Variants in TBC1D8 observed in about 807,000 individuals in gnomAD.
TBC1D8 encodes the protein TBC1 domain family member 8.
TBC1D8 carries 65 observed loss-of-function variants against 118.8 expected under a neutral mutation model. That is an observed-to-expected ratio of 0.55 (90% CI 0.45 to 0.67). The LOEUF (loss-of-function observed/expected upper bound fraction) is 0.67, where lower values mean the gene tolerates loss of function less well. Among genes scored for constraint, TBC1D8 ranks in the 30% least tolerant of loss-of-function variants. The pLI is 0.00. For synonymous variants in TBC1D8, 566 were observed against 595.8 expected, an observed-to-expected ratio of 0.95 and a Z score of 0.73; for missense variants, 1,376 against 1,471.2, an observed-to-expected ratio of 0.94 and a Z score of 1.06.
chr2:101,054,101 C>T lies in TBC1D8; in HGVS notation c.631+7G>A. 1 of 1,604,248 alleles carries T rather than the reference C, an allele frequency of 6.2e-7. No individual in the cohort carries two copies. Among genetic ancestry groups the T allele is most frequent in the Non-Finnish European group, 8.5e-7 (1 of 1,174,280 alleles). On this transcript the variant is annotated splice_region_variant and intron_variant, in intron 4 of 19. Transcript: ENST00000409318. ...TATCTTGGAAGAGCCTGCCAGGCCT[C>T]ACTTACGTTCCTTGCCCAGGAAGAA... is the stretch of plus-strand genomic sequence containing the variant.
rs559742519 is a variant in TBC1D8 at position 101,023,033 on chromosome 2, T to G, written c.2521-512A>C. ...AGCGGTGTGCACCTGTGATCCCAGC[T>G]ACTCAGGAGGCTGAGACAGGAGAAT... On this transcript the variant is annotated intron_variant, in intron 15 of 19. Transcript: ENST00000409318. Among the ~76,000 whole-genome samples the G allele has an allele frequency of 1.7e-4, 26 of 151,928 alleles. No individual in the cohort carries two copies. In the East Asian group the frequency reaches 4.9e-3, roughly 29 times the overall value.
At chr2:101,010,820 T>C (rs1299899901) in intron 19 of TBC1D8, 109 bp downstream of exon 19, 7 of 820,024 alleles carry the variant, frequency 8.5e-6, no homozygotes, top group Non-Finnish European at 1.3e-5. Flanking sequence ...AGGTGGAGGT[T>C]GCAGTGGGCT....
Position 101,074,668 on chromosome 2 carries a change from G to A in TBC1D8, c.284-15129C>T, listed in dbSNP as rs79091308. ...TTGACATTATTTAGAAATGGTGTGC[G>A]TGTACGTATATTAGATAAACAGACA... is the stretch of plus-strand genomic sequence containing the variant. On this transcript the variant is annotated intron_variant, in intron 2 of 19. Transcript: ENST00000409318. Among the ~76,000 whole-genome samples the A allele has an allele frequency of 7.2e-3, 1,104 of 152,286 alleles. 15 individuals carry two copies. Among genetic ancestry groups the A allele is most frequent in the East Asian group, 0.035 (184 of 5,184 alleles).
intron 19 of TBC1D8, among the ~76,000 whole-genome samples, chr2:101,009,667 G>C: frequency 6.6e-6 from 1 of 151,942 alleles, no homozygotes; most frequent in East Asian, 1.9e-4. Context: ...CACAGTAGAC[G>C]AGCAGCATTT....
intron 1 of TBC1D8, among the ~76,000 whole-genome samples, chr2:101,133,561 G>T (rs1184642506): frequency 1.3e-5 from 2 of 152,148 alleles, no homozygotes; most frequent in African/African-American, 2.4e-5. Context: ...GTCTGGTGAG[G>T]GGGGTTCACA....
At position 101,038,500 on chromosome 2, in the gene TBC1D8, G is replaced by T; in HGVS notation, c.1236C>A (p.Asn412Lys). 1 of 1,613,864 alleles carries T rather than the reference G, an allele frequency of 6.2e-7. No homozygotes were observed. Among genetic ancestry groups the T allele is most frequent in the East Asian group, 2.2e-5 (1 of 44,882 alleles). Residue 412 changes from asparagine to lysine, a missense_variant, in exon 7 of 20, where the codon AAC (asparagine) becomes AAA (lysine). Coordinates refer to ENST00000409318, the MANE Select transcript of TBC1D8 (RefSeq NM_001330348.2). ...CAGAGGTGTCGTAGTGCACGGGGTG[G>T]TTGGCGTGGACCTGCTTCAACCTCG... ...LLARLKQVHA[N>K]HPVHYDTSAD...
chr2:101,117,422 A>G (rs187149532), intron 1 of TBC1D8, among the ~76,000 whole-genome samples: 6 of 152,234 alleles, frequency 3.9e-5, no homozygotes, highest in South Asian at 2.1e-4. Flanking sequence ...GGATTTCGTA[A>G]CCAATTTCTA....
chr2:101,013,182 T>C (rs1679361137), intron 17 of TBC1D8, among the ~76,000 whole-genome samples: 1 of 152,120 alleles, frequency 6.6e-6, no homozygotes, highest in South Asian at 2.1e-4. Flanking sequence ...CAAACAACTC[T>C]CAGAGCAGAG....
intron 2 of TBC1D8, among the ~76,000 whole-genome samples, chr2:101,085,608 C>G (rs1435819231): frequency 6.6e-6 from 1 of 152,130 alleles, no homozygotes; most frequent in Non-Finnish European, 1.5e-5. Flanking sequence ...GCACTGCAAA[C>G]AAGCAAACAC....
At chr2:101,080,786 AT>A (rs111330338) in intron 2 of TBC1D8, among the ~76,000 whole-genome samples, 114 of 146,738 alleles carry the variant, frequency 7.8e-4, no homozygotes, top group Non-Finnish European at 7.4e-4. Flanking sequence ...TGTACTCTCA[AT>A]TTTTTTTTTT....
chr2:101,049,837 T>A (rs1681943984), intron 5 of TBC1D8, among the ~76,000 whole-genome samples: 1 of 152,106 alleles, frequency 6.6e-6, no homozygotes, highest in Non-Finnish European at 1.5e-5. Flanking sequence ...ACATGTCTTT[T>A]TTTTTTTGAG....
At chr2:101,053,528 T>G (rs1172055289) in intron 4 of TBC1D8, among the ~76,000 whole-genome samples, 1 of 152,240 alleles carries the variant, frequency 6.6e-6, no homozygotes, top group African/African-American at 2.4e-5. Context: ...CTGGAAGAAG[T>G]GTCCGTGGGA....
At position 101,105,178 on chromosome 2, in the gene TBC1D8, G is replaced by C. The variant is rs148237231; in HGVS notation, c.128-14814C>G. Among the ~76,000 whole-genome samples the C allele has an allele frequency of 5.1e-4, 77 of 152,224 alleles. No individual in the cohort carries two copies. The East Asian group carries it at 0.014, about 27-fold the overall frequency. On this transcript the variant is annotated intron_variant, in intron 1 of 19. Coordinates refer to ENST00000409318, the MANE Select transcript of TBC1D8 (RefSeq NM_001330348.2). ...TATTTTAAAATTTTTGCTCTGCAAA[G>C]GACACCTGAGTACCAAAAGACAAGC...
chr2:101,043,333 C>T (rs763006020), intron 5 of TBC1D8, among the ~76,000 whole-genome samples: 12 of 152,226 alleles, frequency 7.9e-5, no homozygotes, highest in Non-Finnish European at 1.5e-4. Context: ...CCCAAGCTGA[C>T]TATGTCTGGT....
chr2:101,033,526 A>G lies in TBC1D8; in HGVS notation c.1818+18T>C. 1 of 1,613,744 alleles carries G rather than the reference A, an allele frequency of 6.2e-7. No individual in the cohort carries two copies. The highest frequency in any genetic ancestry group is 1.3e-5 in the African/African-American group (1 of 75,020). ...ACCAACTAAAGACTCTCTGCGCCCC[A>G]GAGCACACCCCTTTCACCTGGCAGT... On this transcript the variant is annotated intron_variant, in intron 10 of 19. Transcript: ENST00000409318.
chr2:101,010,603 G>A (rs1679129444), intron 19 of TBC1D8, among the ~76,000 whole-genome samples: 1 of 152,060 alleles, frequency 6.6e-6, no homozygotes, highest in African/African-American at 2.4e-5. Context: ...GTTAATTCTC[G>A]GTCGGGCGCG....
In TBC1D8 at chr2:101,022,529, CAAG is replaced by C. The variant is rs753720091; in HGVS notation, c.2521-11_2521-9del. The C allele has an allele frequency of 6.3e-7, 1 of 1,587,634 alleles. No homozygotes were observed. Among genetic ancestry groups the C allele is most frequent in the Admixed American group, 2.0e-5 (1 of 51,154 alleles). On this transcript the variant is annotated splice_polypyrimidine_tract_variant and intron_variant, in intron 15 of 19. Transcript: ENST00000409318. ...GCTCATCATATGTTCTCTCTTCAAA[CAAG>C]AGGGGGAAAGGGAGTTCTTACCACT... is the stretch of plus-strand genomic sequence containing the variant.
At chr2:101,101,982 CCTGCACATT>C (rs1676868833) in intron 1 of TBC1D8, among the ~76,000 whole-genome samples, 1 of 150,098 alleles carries the variant, frequency 6.7e-6, no homozygotes, top group African/African-American at 2.5e-5. Flanking sequence ...ATGTAACAAA[CCTGCACATT>C]CTGCACATGT....
At chr2:101,097,425 T>C (rs1192717071) in intron 1 of TBC1D8, among the ~76,000 whole-genome samples, 2 of 152,118 alleles carry the variant, frequency 1.3e-5, no homozygotes, top group Non-Finnish European at 2.9e-5. Flanking sequence ...TTATTCTCCA[T>C]AGATCAAAAA....
Sources: allele counts gnomAD v4.1 joint callset (sites outside exome capture counted in the v4.1 genomes callset), GRCh38; gene constraint gnomAD v4.1.1; transcripts MANE v1.5; gene names NCBI Gene and HGNC (gene_info 2026-07-23, HGNC 2026-07-21).